The following SELENOF variants were observed in gnomAD, a reference collection of about 807,000 sequenced individuals.
SELENOF encodes the protein 15 kDa selenoprotein.
In SELENOF, 16 loss-of-function variants were observed where a neutral mutation model predicts 20.5. The observed-to-expected ratio is 0.78, with a 90% CI of 0.53 to 1.19. SELENOF has a LOEUF of 1.19. Among genes scored for constraint, SELENOF ranks in the 50% most tolerant of loss-of-function variants. SELENOF has a pLI of 0.00. For synonymous variants in SELENOF, 78 were observed against 74.5 expected, an observed-to-expected ratio of 1.05 and a Z score of -0.24; for missense variants, 215 against 194.2, an observed-to-expected ratio of 1.11 and a Z score of -0.64.
chr1:86,892,598 T>C (rs181806762), intron 2 of SELENOF, among the ~76,000 whole-genome samples: 5 of 152,386 alleles, frequency 3.3e-5, no homozygotes, highest in Admixed American at 1.3e-4. Context: ...TCTTAAATAA[T>C]GCTGTTTAAG....
At chr1:86,865,837 A>C (rs1658575846) in intron 4 of SELENOF, among the ~76,000 whole-genome samples, 1 of 152,202 alleles carries the variant, frequency 6.6e-6, no homozygotes, top group East Asian at 1.9e-4. Flanking sequence ...ATGTCATAAA[A>C]GCATTATTTA....
intron 1 of SELENOF, 64 bp downstream of exon 1, chr1:86,913,964 G>C: frequency 6.9e-7 from 1 of 1,449,706 alleles, no homozygotes. Flanking sequence ...CGAATGTTGC[G>C]TCTTTCTCAG....
intron 2 of SELENOF, among the ~76,000 whole-genome samples, chr1:86,882,703 C>T (rs1411695829): frequency 6.6e-6 from 1 of 152,168 alleles, no homozygotes; most frequent in Non-Finnish European, 1.5e-5. Context: ...TATTTATACA[C>T]CCATGTTCAC....
At chr1:86,899,034 G>A (rs1659602151) in intron 2 of SELENOF, among the ~76,000 whole-genome samples, 1 of 151,926 alleles carries the variant, frequency 6.6e-6, no homozygotes, top group African/African-American at 2.4e-5. Flanking sequence ...AGCACATCTT[G>A]CACCGCCCTT....
chr1:86,865,329 A>C (rs183679173), intron 4 of SELENOF, among the ~76,000 whole-genome samples: 1 of 152,222 alleles, frequency 6.6e-6, no homozygotes, highest in Non-Finnish European at 1.5e-5. Flanking sequence ...TGAAACAATG[A>C]ACAGAATGAA....
chr1:86,914,574 G>A (rs377691704), upstream of SELENOF: 28 of 190,600 alleles, frequency 1.5e-4, no homozygotes, highest in East Asian at 3.5e-3. Flanking sequence ...GCCGAGCAGC[G>A]TACGCGGATG....
chr1:86,891,526 A>C (rs1326099372), intron 2 of SELENOF, among the ~76,000 whole-genome samples: 1 of 152,180 alleles, frequency 6.6e-6, no homozygotes, highest in Non-Finnish European at 1.5e-5. Context: ...TTTCGTTTTG[A>C]GCATTGCAGT....
At chr1:86,870,108 T>C (rs1658720424) in intron 3 of SELENOF, among the ~76,000 whole-genome samples, 1 of 152,234 alleles carries the variant, frequency 6.6e-6, no homozygotes, top group Non-Finnish European at 1.5e-5. Flanking sequence ...ATTTAGATAC[T>C]TGATCGTTAA....
intron 1 of SELENOF, chr1:86,913,788 A>G (rs1488844652): frequency 3.7e-6 from 2 of 537,964 alleles, no homozygotes; most frequent in African/African-American, 3.8e-5. Context: ...CAAGAGCCGT[A>G]TAAGAGAAGC....
chr1:86,866,393 G>C (rs1349382754), intron 4 of SELENOF, among the ~76,000 whole-genome samples: 1 of 149,380 alleles, frequency 6.7e-6, no homozygotes, highest in Non-Finnish European at 1.5e-5. Flanking sequence ...GTAAGTATCT[G>C]AAGTAGTCAA....
rs555738878 is a variant in SELENOF at position 86,863,582 on chromosome 1, T to C, written c.390A>G (p.Val130=). The C allele has an allele frequency of 9.3e-6, 15 of 1,613,800 alleles. No homozygotes were observed. In the Admixed American group the frequency reaches 1.8e-4, roughly 20 times the overall value. The change falls in exon 5 of 5, where the codon GTA becomes GTG. Residue 130 remains valine, a synonymous_variant. Transcript: ENST00000331835. ...QIKYVRGSDP[V]LKLLDDNGNI... ...TCCCATTGTCGTCCAAAAGCTTTAATACAGGGTCTGAACCACGGACATACT... is the reference window on the plus strand; with the variant it reads ...TCCCATTGTCGTCCAAAAGCTTTAACACAGGGTCTGAACCACGGACATACT...
Position 86,868,192 on chromosome 1 carries a change from A to G in SELENOF, c.317-90T>C, listed in dbSNP as rs114119555. On this transcript the variant is annotated intron_variant, in intron 3 of 4. Coordinates refer to ENST00000331835, the MANE Select transcript of SELENOF (RefSeq NM_004261.5). The stretch of plus-strand genomic sequence containing the variant: ...ATATAAAAGTGGAAATAAACAACAA[A>G]TCAAACATTATATCCTATATGAAAA... The G allele has an allele frequency of 2.1e-3, 1,264 of 605,192 alleles. 13 individuals are homozygous for G. The African/African-American group carries it at 0.022, about 11-fold the overall frequency. The allele number at this position is 605,192 out of a possible 1,614,324, so 37.5% of individuals were successfully genotyped here.
chr1:86,864,046 T>C (rs752695145), intron 4 of SELENOF, among the ~76,000 whole-genome samples: 12 of 152,220 alleles, frequency 7.9e-5, no homozygotes, highest in Non-Finnish European at 1.8e-4. Context: ...TTAACAAGTA[T>C]GTAATGCCCA....
chr1:86,865,969 A>C (rs900374090), intron 4 of SELENOF, among the ~76,000 whole-genome samples: 2 of 152,030 alleles, frequency 1.3e-5, no homozygotes, highest in African/African-American at 4.8e-5. Context: ...CTGAGGCAGG[A>C]GGATCGCCCG....
chr1:86,868,895 A>G (rs1658681117), intron 3 of SELENOF, among the ~76,000 whole-genome samples: 1 of 152,146 alleles, frequency 6.6e-6, no homozygotes, highest in Non-Finnish European at 1.5e-5. Flanking sequence ...ACTGAAGAAA[A>G]TTATCTCTAA....
intron 2 of SELENOF, among the ~76,000 whole-genome samples, chr1:86,883,456 A>G (rs1346284436): frequency 6.6e-6 from 1 of 151,396 alleles, no homozygotes; most frequent in African/African-American, 2.4e-5. Context: ...TTTACACTAA[A>G]TAGTGTATAG....
intron 3 of SELENOF, among the ~76,000 whole-genome samples, chr1:86,876,789 A>C (rs1401136072): frequency 1.3e-5 from 2 of 152,228 alleles, no homozygotes; most frequent in Admixed American, 1.3e-4. Flanking sequence ...AAATGTTAGA[A>C]GTAGCAGAAA....
intron 4 of SELENOF, among the ~76,000 whole-genome samples, chr1:86,865,647 T>A (rs1172813619): frequency 6.6e-6 from 1 of 152,172 alleles, no homozygotes; most frequent in Non-Finnish European, 1.5e-5. Flanking sequence ...TATAGAGATA[T>A]TGGAACACTT....
intron 2 of SELENOF, chr1:86,887,306 C>A: frequency 1.6e-6 from 2 of 1,222,628 alleles, no homozygotes; most frequent in Non-Finnish European, 2.1e-6. Flanking sequence ...TCTTGGAGTG[C>A]TTTTTACTAA....
Sources: allele counts gnomAD v4.1 joint callset (sites outside exome capture counted in the v4.1 genomes callset), GRCh38; gene constraint gnomAD v4.1.1; transcripts MANE v1.5; gene names NCBI Gene and HGNC (gene_info 2026-07-23, HGNC 2026-07-21).